The following ASAP3 variants were observed in gnomAD, a reference collection of about 807,000 sequenced individuals.
The protein encoded by ASAP3 is arf-GAP with SH3 domain, ANK repeat and PH domain-containing protein 3.
A neutral mutation model predicts 118.2 loss-of-function variants in ASAP3; 85 were observed. The observed-to-expected ratio is 0.72, with a 90% CI of 0.60 to 0.86. The LOEUF (loss-of-function observed/expected upper bound fraction) is 0.86, where lower values mean the gene tolerates loss of function less well. Among genes scored for constraint, ASAP3 ranks in the 40% least tolerant of loss-of-function variants. ASAP3 has a pLI of 0.00. For missense variants in ASAP3, 1,026 were observed against 1,175.0 expected (o/e 0.87, Z 1.85); for synonymous variants, 432 against 477.4 (o/e 0.90, Z 1.24).
intron 1 of ASAP3, among the ~76,000 whole-genome samples, chr1:23,460,129 T>TA (rs1641522990): frequency 1.3e-5 from 2 of 152,132 alleles, no homozygotes; most frequent in Admixed American, 1.3e-4. Context: ...AAAGTGGCTT[T>TA]AAAAAATTGA....
Position 23,433,108 on chromosome 1 carries a change from C to A in ASAP3, c.2292G>T (p.Leu764Phe). Reference sequence around the variant, plus strand: ...TGGCATGTCTTGCACACCCTTGGACCAAAGTCCGAGAAGAGTTTTTGACTG... The same window carrying A: ...TGGCATGTCTTGCACACCCTTGGACAAAAGTCCGAGAAGAGTTTTTGACTG... ...PLPVKNSSRT[L>F]VQGCARHASG... Residue 764 changes from leucine to phenylalanine, a missense_variant, in exon 22 of 25, where the codon TTG becomes TTT. Transcript: ENST00000336689. 1.2e-6 allele frequency: 2 copies of A among 1,614,088 alleles called. No individual in the cohort carries two copies. Among genetic ancestry groups the A allele is most frequent in the Non-Finnish European group, 1.7e-6 (2 of 1,180,008 alleles).
Position 23,437,366 on chromosome 1 carries a change from G to A in ASAP3, c.1152-46C>T. On this transcript the variant is annotated intron_variant, in intron 13 of 24. Coordinates refer to ENST00000336689, the MANE Select transcript of ASAP3 (RefSeq NM_017707.4). The surrounding 1 kb of genome is among the most constrained non-coding windows in gnomAD (Gnocchi z 6.1). ...GGGATGGGGATGTCAAGTGGGAAGA[G>A]ATAGGGCCGCCGGCCCCCACCCACA... is the stretch of plus-strand genomic sequence containing the variant. 1.2e-6 allele frequency: 2 copies of A among 1,610,520 alleles called. No individual in the cohort carries two copies. The highest frequency in any genetic ancestry group is 1.7e-6 in the Non-Finnish European group (2 of 1,177,976).
In ASAP3 at chr1:23,446,519, C is replaced by T. The variant is rs553499224; in HGVS notation, c.474-3907G>A. 2.9e-4 allele frequency among the ~76,000 whole-genome samples: 43 copies of T among 150,694 alleles called. 1 individual carries two copies. The highest frequency in any genetic ancestry group is 9.8e-4 in the African/African-American group (40 of 41,020). On this transcript the variant is annotated intron_variant, in intron 5 of 24. Coordinates refer to ENST00000336689, the MANE Select transcript of ASAP3 (RefSeq NM_017707.4). ...ATGGCGCCATCTCAGCTCACTGCAA[C>T]CTCTGCCTCCCAGGTTCAAGCGATT... is the stretch of plus-strand genomic sequence containing the variant.
rs757790147 is a variant in ASAP3 at position 23,433,659 on chromosome 1, GGCTATGTCCAGA to G, written c.1974_1985del (p.Leu659_Ala662del). The G allele has an allele frequency of 1.2e-6, 2 of 1,614,192 alleles. No homozygotes were observed. The highest frequency in any genetic ancestry group is 1.7e-6 in the Non-Finnish European group (2 of 1,180,044). ...CACACTCCTTGTGGTGCTTCTTCCT[GGCTATGTCCAGA>G]GCTGTCTCGCCTGCTTCATTTACTG... On this transcript the variant is annotated inframe_deletion, in exon 20 of 25. Coordinates refer to ENST00000336689, the MANE Select transcript of ASAP3 (RefSeq NM_017707.4).
rs747733890 is a variant in ASAP3, at chr1:23,437,059, A to T, written c.1343-15T>A. 2.1e-5 allele frequency: 33 copies of T among 1,607,424 alleles called. No homozygotes were observed. Among genetic ancestry groups the T allele is most frequent in the Non-Finnish European group, 2.4e-5 (28 of 1,177,120 alleles). Reference sequence around the variant, plus strand: ...CCACGTGGGGTCTGCAGAGGAAAGCAGCTGGAGCCTGGAGGTGCAGCCCCT... The same window carrying T: ...CCACGTGGGGTCTGCAGAGGAAAGCTGCTGGAGCCTGGAGGTGCAGCCCCT... On this transcript the variant is annotated splice_polypyrimidine_tract_variant and intron_variant, in intron 14 of 24. Coordinates refer to ENST00000336689, the MANE Select transcript of ASAP3 (RefSeq NM_017707.4). The surrounding 1 kb of genome is among the most constrained non-coding windows in gnomAD (Gnocchi z 6.1).
At chr1:23,451,330 G>C in intron 5 of ASAP3, 149 bp downstream of exon 5, 3 of 838,206 alleles carry the variant, frequency 3.6e-6, no homozygotes, top group South Asian at 3.2e-5. Context: ...ATCCAGTCAG[G>C]TCTGGGTATA....
intron 1 of ASAP3, among the ~76,000 whole-genome samples, chr1:23,480,395 A>G (rs2148666956): frequency 6.6e-6 from 1 of 152,230 alleles, no homozygotes; most frequent in African/African-American, 2.4e-5. Context: ...TCTTCCCACC[A>G]GTCTCTGAAT....
At chr1:23,445,869 C>A (rs769430921) in intron 5 of ASAP3, among the ~76,000 whole-genome samples, 26 of 151,406 alleles carry the variant, frequency 1.7e-4, no homozygotes, top group Non-Finnish European at 3.8e-4. Flanking sequence ...TAAGTCCCAG[C>A]GACATGGGAG....
intron 1 of ASAP3, among the ~76,000 whole-genome samples, chr1:23,483,598 G>A (rs1032270559): frequency 1.1e-4 from 16 of 152,236 alleles, no homozygotes; most frequent in African/African-American, 2.9e-4. Flanking sequence ...CAGCCGGGGG[G>A]AAGAAAGTTC....
chr1:23,470,191 A>G (rs1402990382), intron 1 of ASAP3, among the ~76,000 whole-genome samples: 1 of 152,150 alleles, frequency 6.6e-6, no homozygotes, highest in African/African-American at 2.4e-5. Context: ...GCTAACAGAC[A>G]CGAGCTCTAA....
chr1:23,444,963 CTTTTT>C (rs555108300), intron 5 of ASAP3, among the ~76,000 whole-genome samples: 1 of 137,278 alleles, frequency 7.3e-6, no homozygotes, highest in African/African-American at 2.7e-5. Flanking sequence ...GCTCTGTAGG[CTTTTT>C]TTTTTTTTTT....
chr1:23,442,778 G>A, intron 5 of ASAP3, 166 bp from the exon 6 acceptor site: 1 of 1,060,766 alleles, frequency 9.4e-7, no homozygotes, highest in Non-Finnish European at 1.3e-6. Context: ...AATCCACAGA[G>A]TGGTGGGGGA....
intron 19 of ASAP3, among the ~76,000 whole-genome samples, 171 bp from the exon 20 acceptor site, chr1:23,433,864 T>C (rs1245475849): frequency 6.6e-6 from 1 of 152,262 alleles, no homozygotes; most frequent in East Asian, 1.9e-4. Context: ...AAATTGTTTA[T>C]GAAATGAGTA....
intron 1 of ASAP3, among the ~76,000 whole-genome samples, chr1:23,465,813 T>C (rs1641750149): frequency 6.6e-6 from 1 of 152,128 alleles, no homozygotes; most frequent in Non-Finnish European, 1.5e-5. Flanking sequence ...AGAGTTACAA[T>C]TTAAATCCAG....
chr1:23,455,995 C>T lies in ASAP3; in HGVS notation c.234G>A (p.Glu78=). The stretch of plus-strand genomic sequence containing the variant: ...GGCTGTTGCCTAAGGATTCCACGGC[C>T]TCTCGGTACTGCTCTTCATTCTCCA... ...GHVENEEQYR[E]AVESLGNSHL... is the part of the protein sequence containing the mutation. The change falls in exon 3 of 25, where the codon GAG becomes GAA. Residue 78 remains glutamate (E), a synonymous_variant. Transcript: ENST00000336689. The T allele has an allele frequency of 6.2e-7, 1 of 1,614,128 alleles. No individual in the cohort carries two copies. The highest frequency in any genetic ancestry group is 8.5e-7 in the Non-Finnish European group (1 of 1,180,034).
At chr1:23,476,868 TA>T (rs1468517005) in intron 1 of ASAP3, among the ~76,000 whole-genome samples, 3 of 152,160 alleles carry the variant, frequency 2.0e-5, no homozygotes, top group Non-Finnish European at 4.4e-5. Flanking sequence ...TGCTCCTTTT[TA>T]GTTTTTTTTT....
Position 23,433,494 on chromosome 1 carries a change from T to C in ASAP3, c.2058A>G (p.Leu686=). ...AAATTACCCAGGAGTAGTCCACATG[T>C]AGAGGGAAGGCAAAGGTCCCCGCCT... ...QAQAGTFAFP[L]HVDYSWVIST... The change falls in exon 21 of 25, where the codon CTA becomes CTG. Residue 686 remains leucine (L), a synonymous_variant. Coordinates refer to ENST00000336689, the MANE Select transcript of ASAP3 (RefSeq NM_017707.4). 6.2e-7 allele frequency: 1 copy of C among 1,614,144 alleles called. No homozygotes were observed. The highest frequency in any genetic ancestry group is 8.5e-7 in the Non-Finnish European group (1 of 1,180,008).
In ASAP3 at chr1:23,437,219, T is replaced by A; in HGVS notation, c.1253A>T (p.Asp418Val). Reference sequence around the variant, plus strand: ...CTTTGTGAGGTCGTGCGGCTCCCCATCATGGCCGGCGGACCCCCAGGACCC... The same window carrying A: ...CTTTGTGAGGTCGTGCGGCTCCCCAACATGGCCGGCGGACCCCCAGGACCC... ...GPGSWGSAGH[D>V]GEPHDLTKLL... is the part of the protein sequence containing the mutation. The change falls in exon 14 of 25, where the codon GAT becomes GTT. Residue 418 changes from aspartate (D) to valine (V), a missense_variant. Coordinates refer to ENST00000336689, the MANE Select transcript of ASAP3 (RefSeq NM_017707.4). The surrounding 1 kb of genome is among the most constrained non-coding windows in gnomAD (Gnocchi z 6.1). 2 of 1,599,408 alleles carry A rather than the reference T, an allele frequency of 1.3e-6. No individual in the cohort carries two copies. The highest frequency in any genetic ancestry group is 1.7e-6 in the Non-Finnish European group (2 of 1,173,300).
At chr1:23,474,530 CT>C (rs1485192287) in intron 1 of ASAP3, among the ~76,000 whole-genome samples, 1 of 152,086 alleles carries the variant, frequency 6.6e-6, no homozygotes, top group African/African-American at 2.4e-5. Context: ...GGGTCTGGGC[CT>C]TCTTCGTTCC....
Sources: allele counts gnomAD v4.1 joint callset (sites outside exome capture counted in the v4.1 genomes callset), GRCh38; gene constraint gnomAD v4.1.1; non-coding constraint Gnocchi (gnomAD v3.1); transcripts MANE v1.5; gene names NCBI Gene and HGNC (gene_info 2026-07-23, HGNC 2026-07-21).